TP73: variants seen among roughly 807,000 people sequenced by gnomAD.
TP73 encodes the protein p53-like transcription factor.
In TP73, 25 loss-of-function variants were observed where a neutral mutation model predicts 62.5. The observed-to-expected ratio is 0.40, with a 90% confidence interval of 0.29 to 0.56. The LOEUF is 0.56. TP73 is among the 20% of genes least tolerant of loss of function. The pLI is 0.46. For missense variants in TP73, 754 were observed against 913.3 expected (o/e 0.83, Z 2.25); for synonymous variants, 423 against 377.5 (o/e 1.12, Z -1.40).
At chr1:3,665,653 T>C (rs1645094042) in intron 1 of TP73, among the ~76,000 whole-genome samples, 1 of 111,826 alleles carries the variant, frequency 8.9e-6, no homozygotes, top group Admixed American at 9.6e-5. Context: ...TTTGTCTCTC[T>C]TTTCTTTTTT....
chr1:3,734,193 C>G lies in TP73; in HGVS notation c.*1114C>G, dbSNP rs1010976406. ...ACAGGGCATTGCTTTCCTTTCTAGGCGGTGGCAGTCAGGGAACAGACTGAG... is the reference window on the plus strand; with the variant it reads ...ACAGGGCATTGCTTTCCTTTCTAGGGGGTGGCAGTCAGGGAACAGACTGAG... On this transcript the variant is annotated 3_prime_UTR_variant, in exon 14 of 14. Transcript: ENST00000378295. The surrounding 1 kb of genome is among the most constrained non-coding windows in gnomAD (Gnocchi z 4.4). 6.6e-6 allele frequency: 1 copy of G among 152,344 alleles called. No individual in the cohort carries two copies. Among genetic ancestry groups the G allele is most frequent in the Admixed American group, 6.5e-5 (1 of 15,288 alleles). The allele number at this position is 152,344 out of a possible 1,614,324, so 9.4% of individuals were successfully genotyped here.
At chr1:3,675,409 G>C (rs1645340306) in intron 1 of TP73, among the ~76,000 whole-genome samples, 2 of 152,192 alleles carry the variant, frequency 1.3e-5, no homozygotes, top group African/African-American at 4.8e-5. Flanking sequence ...AAAATCATTG[G>C]TGGTTTGGGA....
chr1:3,671,676 G>A (rs549652950), intron 1 of TP73, among the ~76,000 whole-genome samples: 1 of 152,346 alleles, frequency 6.6e-6, no homozygotes, highest in East Asian at 1.9e-4. Flanking sequence ...GGGCCTCTGG[G>A]AACACCTGGG....
At chr1:3,710,735 G>A (rs555487042) in intron 4 of TP73, among the ~76,000 whole-genome samples, 72 of 152,248 alleles carry the variant, frequency 4.7e-4, no homozygotes, top group Middle Eastern at 3.4e-3. Flanking sequence ...GCATACACAC[G>A]CATGTGCACA....
intron 1 of TP73, among the ~76,000 whole-genome samples, chr1:3,657,005 C>T (rs929594154): frequency 2.0e-5 from 3 of 152,208 alleles, no homozygotes; most frequent in African/African-American, 7.2e-5. Flanking sequence ...GCAATTATGG[C>T]GGTGATTAGA....
chr1:3,707,239 G>T (rs1382465919), intron 3 of TP73, among the ~76,000 whole-genome samples: 2 of 152,146 alleles, frequency 1.3e-5, no homozygotes, highest in Non-Finnish European at 2.9e-5. Context: ...GGGCATCAGG[G>T]CCTGGGAGCC....
intron 5 of TP73, among the ~76,000 whole-genome samples, chr1:3,723,117 T>C (rs1641231475): frequency 6.9e-6 from 1 of 144,096 alleles, no homozygotes; most frequent in Non-Finnish European, 1.5e-5. Context: ...GGTGGGCACC[T>C]TTGCAGGTGG....
chr1:3,654,237 G>A (rs966855843), intron 1 of TP73, among the ~76,000 whole-genome samples: 1 of 152,210 alleles, frequency 6.6e-6, no homozygotes, highest in Admixed American at 6.5e-5. Context: ...GCTGCCTATT[G>A]TCAATCAGAG....
chr1:3,732,149 G>GC (rs905248154), intron 13 of TP73, among the ~76,000 whole-genome samples: 1 of 152,142 alleles, frequency 6.6e-6, no homozygotes, highest in African/African-American at 2.4e-5. Context: ...GTGGGAACCT[G>GC]CCCCCCAGCC....
At chr1:3,721,781 G>A (rs368709893) in intron 4 of TP73, among the ~76,000 whole-genome samples, 1 of 152,268 alleles carries the variant, frequency 6.6e-6, no homozygotes, top group South Asian at 2.1e-4. Context: ...CACCCCTGCT[G>A]TCATGGAGCC....
intron 6 of TP73, among the ~76,000 whole-genome samples, chr1:3,723,960 G>C (rs190782615): frequency 9.2e-4 from 140 of 152,296 alleles, no homozygotes; most frequent in African/African-American, 3.3e-3. Context: ...GGGCCCAGGA[G>C]AGGTGGCCTG....
At chr1:3,723,512 T>A in intron 6 of TP73, 43 bp downstream of exon 6, 1 of 917,970 alleles carries the variant, frequency 1.1e-6, no homozygotes, top group Non-Finnish European at 1.7e-6. Context: ...TGCAGTCAGC[T>A]GTACGGGTCG....
Position 3,699,057 on chromosome 1 carries a change from G to A in TP73, c.187-8492G>A, listed in dbSNP as rs1288648755. Among the ~76,000 whole-genome samples the A allele has an allele frequency of 6.6e-6, 1 of 151,392 alleles. No individual in the cohort carries two copies. The highest frequency in any genetic ancestry group is 1.5e-5 in the Non-Finnish European group (1 of 67,982). ...AGAGCAGAGGGTGCTGTGGGTGAGA[G>A]CACAGGGTGCTGTGGGTGAGAGCAG... On this transcript the variant is annotated intron_variant, in intron 3 of 13. Transcript: ENST00000378295. The surrounding 1 kb of genome is among the most constrained non-coding windows in gnomAD (Gnocchi z 4.1).
At chr1:3,676,635 G>A (rs931041876) in intron 1 of TP73, among the ~76,000 whole-genome samples, 3 of 151,968 alleles carry the variant, frequency 2.0e-5, no homozygotes, top group African/African-American at 7.3e-5. Flanking sequence ...GGGAGCATTC[G>A]GGTGCGGCCA....
chr1:3,680,378 A>G (rs532367874), intron 1 of TP73, among the ~76,000 whole-genome samples: 1 of 152,262 alleles, frequency 6.6e-6, no homozygotes, highest in Admixed American at 6.5e-5. Context: ...GGATTTTGTC[A>G]TCCACCTGCT....
At chr1:3,657,390 G>A (rs536466316) in intron 1 of TP73, among the ~76,000 whole-genome samples, 37 of 152,126 alleles carry the variant, frequency 2.4e-4, no homozygotes, top group Middle Eastern at 3.4e-3. Context: ...CTCCTTTTTT[G>A]TCCCTTAGAT....
At chr1:3,671,106 G>A (rs536266774) in intron 1 of TP73, among the ~76,000 whole-genome samples, 19 of 152,220 alleles carry the variant, frequency 1.2e-4, no homozygotes, top group Non-Finnish European at 2.4e-4. Flanking sequence ...TGGCTGCACA[G>A]CCTCCCTCAG....
At chr1:3,677,583 C>T (rs1645401432) in intron 1 of TP73, among the ~76,000 whole-genome samples, 1 of 152,178 alleles carries the variant, frequency 6.6e-6, no homozygotes, top group Admixed American at 6.5e-5. Flanking sequence ...AATGACCACC[C>T]CCAAATGCTG....
At chr1:3,709,041 C>T (rs1023366210) in intron 4 of TP73, among the ~76,000 whole-genome samples, 5 of 152,178 alleles carry the variant, frequency 3.3e-5, no homozygotes, top group African/African-American at 4.8e-5. Flanking sequence ...GGTTTTCCCA[C>T]GCTCCTGGAG....
Sources: gnomAD v4.1 joint callset for allele counts (sites outside exome capture counted in the v4.1 genomes callset) on GRCh38, gnomAD v4.1.1 for gene constraint, Gnocchi (gnomAD v3.1) non-coding constraint, MANE v1.5 for transcripts, NCBI Gene and HGNC (gene_info 2026-07-23, HGNC 2026-07-21) for gene names.